TOX2: variants seen among roughly 807,000 people sequenced by gnomAD.
TOX2 encodes TOX high mobility group box family member 2, also known as granulosa cell HMG box 1.
In TOX2, 15 loss-of-function variants were observed where a neutral mutation model predicts 47.4. The observed-to-expected ratio is 0.32, with a 90% CI of 0.21 to 0.49. The LOEUF is 0.49. TOX2 is among the 20% of genes least tolerant of loss of function. TOX2 has a pLI of 0.99. For missense variants in TOX2, 622 were observed against 673.1 expected (o/e 0.92, Z 0.84); for synonymous variants, 290 against 296.6 (o/e 0.98, Z 0.23).
intron 1 of TOX2, among the ~76,000 whole-genome samples, chr20:43,956,257 G>C (rs888654125): frequency 6.6e-6 from 1 of 152,142 alleles, no homozygotes; most frequent in Non-Finnish European, 1.5e-5. Context: ...ATGAGCTCCG[G>C]GACAAAGACT....
At chr20:43,933,960 G>A (rs1014526677) in intron 1 of TOX2, among the ~76,000 whole-genome samples, 1 of 152,072 alleles carries the variant, frequency 6.6e-6, no homozygotes, top group Admixed American at 6.6e-5. Flanking sequence ...GGACTCTGCT[G>A]TGTCCCCTGG....
intron 1 of TOX2, among the ~76,000 whole-genome samples, chr20:43,928,925 A>G (rs1332001603): frequency 2.0e-5 from 3 of 148,478 alleles, no homozygotes; most frequent in Non-Finnish European, 3.0e-5. Context: ...ATTCGAGGTC[A>G]GGAGTTCAAG....
chr20:44,027,982 G>A (rs533593004), intron 3 of TOX2, among the ~76,000 whole-genome samples: 32 of 152,282 alleles, frequency 2.1e-4, no homozygotes, highest in African/African-American at 4.3e-4. Flanking sequence ...GCCAGACCTC[G>A]GGCTGGGCAC....
chr20:43,939,341 T>C (rs2145343399), intron 1 of TOX2, among the ~76,000 whole-genome samples: 1 of 152,320 alleles, frequency 6.6e-6, no homozygotes, highest in East Asian at 1.9e-4. Flanking sequence ...GATTTCATCA[T>C]ATTGGGACTG....
At chr20:44,006,181 T>C (rs1025061113) in intron 2 of TOX2, among the ~76,000 whole-genome samples, 2 of 152,138 alleles carry the variant, frequency 1.3e-5, no homozygotes, top group African/African-American at 2.4e-5. Context: ...TGGACTGCTT[T>C]CCTCCCTGGA....
At position 44,065,825 on chromosome 20, in the gene TOX2, G is replaced by A. The variant is rs554179505; in HGVS notation, c.1074G>A (p.Pro358=). The change falls in exon 7 of 9, where the codon CCG becomes CCA. Residue 358 remains proline, a synonymous_variant. Transcript: ENST00000341197. ...CAGGCCTGGCCTCCTTCCTGACGCC[G>A]TCGGACCTGCAGGCCTTCCGCAGTG... ...AMPGLASFLT[P]SDLQAFRSGA... is the part of the protein sequence containing the mutation. 2.8e-5 allele frequency: 45 copies of A among 1,613,850 alleles called. No homozygotes were observed. The highest frequency in any genetic ancestry group is 2.0e-4 in the African/African-American group (15 of 75,028).
At chr20:43,948,442 T>G (rs1349561884) in intron 1 of TOX2, among the ~76,000 whole-genome samples, 1 of 152,218 alleles carries the variant, frequency 6.6e-6, no homozygotes, top group African/African-American at 2.4e-5. Flanking sequence ...ATGAGCTTCA[T>G]GTTTGAAATT....
chr20:44,049,260 G>T (rs1245388801), intron 3 of TOX2, among the ~76,000 whole-genome samples: 3 of 152,188 alleles, frequency 2.0e-5, no homozygotes, highest in Non-Finnish European at 4.4e-5. Context: ...AATCACTGAT[G>T]GAATGGAAAA....
At chr20:43,965,537 A>G (rs2145443464) in intron 1 of TOX2, among the ~76,000 whole-genome samples, 1 of 152,292 alleles carries the variant, frequency 6.6e-6, no homozygotes, top group East Asian at 1.9e-4. Flanking sequence ...TGTTGCCTCC[A>G]AGTCCCTTTG....
intron 1 of TOX2, among the ~76,000 whole-genome samples, chr20:43,949,893 C>T (rs527909275): frequency 6.6e-6 from 1 of 152,250 alleles, no homozygotes; most frequent in Admixed American, 6.5e-5. Context: ...CAAGGCCAGA[C>T]AGCACAGAAA....
intron 3 of TOX2, among the ~76,000 whole-genome samples, chr20:44,038,227 A>G (rs1413804571): frequency 6.6e-6 from 1 of 152,010 alleles, no homozygotes; most frequent in African/African-American, 2.4e-5. Context: ...GAGACCCTGT[A>G]TCTACAAAAA....
intron 2 of TOX2, among the ~76,000 whole-genome samples, chr20:43,975,516 A>G (rs1193002306): frequency 2.0e-5 from 3 of 152,172 alleles, no homozygotes; most frequent in Non-Finnish European, 4.4e-5. Flanking sequence ...GCCAGGGAGC[A>G]CTAGAGCTGG....
At position 43,921,508 on chromosome 20, in the gene TOX2, T is replaced by C. The variant is rs867592193; in HGVS notation, c.99+6518T>C. Reference sequence around the variant, plus strand: ...TTTGGAGCTTGAGGGTTGGAGACCATGTATGTGTAGCACTTGGCCCCAGCA... The same window carrying C: ...TTTGGAGCTTGAGGGTTGGAGACCACGTATGTGTAGCACTTGGCCCCAGCA... On this transcript the variant is annotated intron_variant, in intron 1 of 8. Transcript: ENST00000341197. 3.3e-5 allele frequency among the ~76,000 whole-genome samples: 5 copies of C among 152,254 alleles called. No homozygotes were observed. In the Middle Eastern group the frequency reaches 0.014, roughly 414 times the overall value.
At chr20:43,922,319 A>G (rs796402022) in intron 1 of TOX2, among the ~76,000 whole-genome samples, 47 of 152,316 alleles carry the variant, frequency 3.1e-4, no homozygotes, top group African/African-American at 1.1e-3. Flanking sequence ...GTAGATGCCA[A>G]GAGCATCACC....
chr20:43,928,705 G>C (rs1386717978), intron 1 of TOX2, among the ~76,000 whole-genome samples: 1 of 152,130 alleles, frequency 6.6e-6, no homozygotes, highest in Non-Finnish European at 1.5e-5. Context: ...GCCAGCTGGG[G>C]AAACTTCGCT....
At chr20:43,948,725 C>A (rs1433386884) in intron 1 of TOX2, among the ~76,000 whole-genome samples, 3 of 152,200 alleles carry the variant, frequency 2.0e-5, no homozygotes, top group Non-Finnish European at 4.4e-5. Context: ...GTTCACACAT[C>A]TGGACAGTTG....
At chr20:44,022,153 C>T (rs1217653799) in intron 3 of TOX2, among the ~76,000 whole-genome samples, 4 of 152,238 alleles carry the variant, frequency 2.6e-5, no homozygotes, top group Non-Finnish European at 4.4e-5. Flanking sequence ...CGGGACTCTC[C>T]TTGTCTTCTC....
intron 1 of TOX2, among the ~76,000 whole-genome samples, chr20:43,959,421 G>T (rs2069720293): frequency 6.6e-6 from 1 of 152,238 alleles, no homozygotes; most frequent in Non-Finnish European, 1.5e-5. Context: ...AGAAGGAAGT[G>T]AACCTGGCAC....
In TOX2 at chr20:44,068,914, C is replaced by A. The variant is rs986966117; in HGVS notation, c.*228C>A. 1 of 693,836 alleles carries A rather than the reference C, an allele frequency of 1.4e-6. No homozygotes were observed. The highest frequency in any genetic ancestry group is 2.0e-5 in the Admixed American group (1 of 48,832). 43.0% of individuals were successfully genotyped at this position (693,836 alleles called of 1,614,324 possible). A position where few individuals can be genotyped will look rare whatever the true frequency, so the allele number is the denominator to read the frequency against. On this transcript the variant is annotated 3_prime_UTR_variant, in exon 9 of 9. Transcript: ENST00000341197. ...AGAACCTGCAGGAACCTTCCGCCCGCTGACCTGCTTGCTCCAGGGTAACTG... is the reference window on the plus strand; with the variant it reads ...AGAACCTGCAGGAACCTTCCGCCCGATGACCTGCTTGCTCCAGGGTAACTG...
Sources: allele counts gnomAD v4.1 joint callset (sites outside exome capture counted in the v4.1 genomes callset), GRCh38; gene constraint gnomAD v4.1.1; transcripts MANE v1.5; gene names NCBI Gene and HGNC (gene_info 2026-07-23, HGNC 2026-07-21).